ZNF587: variants seen among roughly 807,000 people sequenced by gnomAD.
ZNF587 encodes the protein zinc finger protein zfp6.
Under a neutral mutation model 7.5 loss-of-function variants are expected in ZNF587, and 8 were observed. That is an observed-to-expected ratio of 1.06 (90% CI 0.62 to 1.92). The LOEUF (loss-of-function observed/expected upper bound fraction) is 1.92, where lower values mean the gene tolerates loss of function less well. ZNF587 is among the 40% of genes most tolerant of loss of function. The probability of loss-of-function intolerance (pLI) is 0.00; values close to 1 mark genes in which losing one functional copy is unlikely to be tolerated. For synonymous variants in ZNF587, 145 were observed against 237.8 expected (o/e 0.61, Z 3.59); for missense variants, 468 against 692.8 (o/e 0.68, Z 3.64).
In ZNF587 at chr19:57,855,566, T is replaced by G. The variant is rs561033940; in HGVS notation, c.34-538T>G. ...CAGAAGGGGGTGTGGGCTTTTTTTGTTTTTTTTTTTTTTGAGATGGTGTCT... is the reference window on the plus strand; with the variant it reads ...CAGAAGGGGGTGTGGGCTTTTTTTGGTTTTTTTTTTTTTGAGATGGTGTCT... On this transcript the variant is annotated intron_variant, in intron 1 of 2. Transcript: ENST00000339656. Among the ~76,000 whole-genome samples the G allele has an allele frequency of 3.2e-4, 35 of 108,006 alleles. No individual in the cohort carries two copies. The South Asian group carries it at 7.3e-3, about 23-fold the overall frequency. The allele number at this position is 108,006 out of a possible 152,430, so 70.9% of individuals were successfully genotyped here.
chr19:57,860,211 G>A lies in ZNF587; in HGVS notation c.*71G>A. On this transcript the variant is annotated 3_prime_UTR_variant, in exon 3 of 3. Transcript: ENST00000339656. ...TAAACACAGGAGAGTTCATACTGGA[G>A]AAAGGCCTTATGAGTGCTGTCAATG... is the stretch of plus-strand genomic sequence containing the variant. 2.5e-6 allele frequency: 4 copies of A among 1,612,524 alleles called. No homozygotes were observed. Among genetic ancestry groups the A allele is most frequent in the Non-Finnish European group, 3.4e-6 (4 of 1,178,898 alleles).
chr19:57,864,380 C>A lies in ZNF587; in HGVS notation c.*4240C>A, dbSNP rs1357517589. On this transcript the variant is annotated 3_prime_UTR_variant, in exon 3 of 3. Coordinates refer to ENST00000339656, the MANE Select transcript of ZNF587 (RefSeq NM_032828.4). ...AACTCCTGACCTCATGATCCACCCC[C>A]CTCGGCCTCCTAAAGTGCTGGGATT... The A allele has an allele frequency of 6.6e-6, 1 of 151,974 alleles. No homozygotes were observed. The highest frequency in any genetic ancestry group is 1.5e-5 in the Non-Finnish European group (1 of 68,038). 9.4% of individuals were successfully genotyped at this position (151,974 alleles called of 1,614,324 possible). A position where few individuals can be genotyped will look rare whatever the true frequency, so the allele number is the denominator to read the frequency against.
rs1230864396 is a variant in ZNF587 at position 57,849,997 on chromosome 19, C to T, written c.-42C>T. 9 of 1,614,062 alleles carry T rather than the reference C, an allele frequency of 5.6e-6. No homozygotes were observed. The highest frequency in any genetic ancestry group is 1.3e-5 in the African/African-American group (1 of 75,064). On this transcript the variant is annotated 5_prime_UTR_variant, in exon 1 of 3. The change creates a new upstream start codon in the 5' untranslated region. Coordinates refer to ENST00000339656, the MANE Select transcript of ZNF587 (RefSeq NM_032828.4). ...CAGAGGCGGCTCTGCAGCCCCGTGA[C>T]GGCGACCACTGCTCCCGGGCCGTGC... is the stretch of plus-strand genomic sequence containing the variant.
chr19:57,857,619 T>C (rs1035138464), intron 2 of ZNF587, among the ~76,000 whole-genome samples: 7 of 151,838 alleles, frequency 4.6e-5, no homozygotes, highest in Admixed American at 2.6e-4. Flanking sequence ...TATGTGTATA[T>C]ATATATATGT....
intron 1 of ZNF587, chr19:57,850,374 C>CA: frequency 1.7e-6 from 1 of 583,426 alleles, no homozygotes; most frequent in Middle Eastern, 4.5e-4. Flanking sequence ...ATTCTGGGAT[C>CA]AGAGTTTTCA....
chr19:57,853,471 T>TG (rs780230455), intron 1 of ZNF587, among the ~76,000 whole-genome samples: 2 of 152,188 alleles, frequency 1.3e-5, no homozygotes, highest in African/African-American at 4.8e-5. Context: ...TAGGAGGACA[T>TG]GCTTCAGATT....
chr19:57,858,227 A>G (rs962112501), intron 2 of ZNF587: 1 of 289,012 alleles, frequency 3.5e-6, no homozygotes, highest in Admixed American at 5.0e-5. Flanking sequence ...TCTGGGTTCA[A>G]ATGATTCTCC....
chr19:57,855,716 C>G (rs571594658), intron 1 of ZNF587, among the ~76,000 whole-genome samples: 1 of 152,116 alleles, frequency 6.6e-6, no homozygotes, highest in South Asian at 2.1e-4. Flanking sequence ...TGCCCACCAC[C>G]ATGCCCGGCT....
intron 1 of ZNF587, among the ~76,000 whole-genome samples, chr19:57,852,547 G>A (rs1467733406): frequency 4.0e-5 from 6 of 149,084 alleles, no homozygotes; most frequent in Non-Finnish European, 7.4e-5. Flanking sequence ...TTTTCTTAAC[G>A]TGGAATTTCA....
At position 57,864,875 on chromosome 19, in the gene ZNF587, C is replaced by T. The variant is rs1031311562; in HGVS notation, c.*4735C>T. 2 of 151,898 alleles carry T rather than the reference C, an allele frequency of 1.3e-5. No homozygotes were observed. Among genetic ancestry groups the T allele is most frequent in the African/African-American group, 2.4e-5 (1 of 41,338 alleles). The allele number at this position is 151,898 out of a possible 1,614,324, so 9.4% of individuals were successfully genotyped here. A position where few individuals can be genotyped will look rare whatever the true frequency, so the allele number is the denominator to read the frequency against. On this transcript the variant is annotated 3_prime_UTR_variant, in exon 3 of 3. Coordinates refer to ENST00000339656, the MANE Select transcript of ZNF587 (RefSeq NM_032828.4). ...CTGGAAAATGGAGGTTGCAATCAGCCGAGATGGTGCCATCGCACTCTAGCC... is the reference window on the plus strand; with the variant it reads ...CTGGAAAATGGAGGTTGCAATCAGCTGAGATGGTGCCATCGCACTCTAGCC...
chr19:57,852,085 G>A, intron 1 of ZNF587: 2 of 354,766 alleles, frequency 5.6e-6, no homozygotes, highest in Non-Finnish European at 1.0e-5. Flanking sequence ...TTCCCTCATT[G>A]GTCCTGACGC....
intron 1 of ZNF587, chr19:57,853,750 C>CTTTTTTTTTTT (rs1232931569): frequency 6.9e-6 from 1 of 144,366 alleles, no homozygotes. Context: ...AAAGTTGTAA[C>CTTTTTTTTTTT]TTTTTTGTTT....
At position 57,860,265 on chromosome 19, in the gene ZNF587, CG is replaced by C; in HGVS notation, c.*127del. 1 of 1,545,938 alleles carries C rather than the reference CG, an allele frequency of 6.5e-7. No individual in the cohort carries two copies. The highest frequency in any genetic ancestry group is 8.8e-7 in the Non-Finnish European group (1 of 1,134,060). On this transcript the variant is annotated 3_prime_UTR_variant, in exon 3 of 3. Coordinates refer to ENST00000339656, the MANE Select transcript of ZNF587 (RefSeq NM_032828.4). Reference sequence around the variant, plus strand: ...AAAACATCAGAATGTCTGCTGTCCTCGGTCTTAAGCGACTTCGTGTTGAGAT... The same window carrying C: ...AAAACATCAGAATGTCTGCTGTCCTCGTCTTAAGCGACTTCGTGTTGAGAT...
In ZNF587 at chr19:57,860,155, G is replaced by T. The variant is rs751134327; in HGVS notation, c.*15G>T. On this transcript the variant is annotated 3_prime_UTR_variant, in exon 3 of 3. Transcript: ENST00000339656. Reference sequence around the variant, plus strand: ...AGGCCTTATGAGTGCAGTGAATATGGGAAATCGTTTGCTGAAGCATCCCGT... The same window carrying T: ...AGGCCTTATGAGTGCAGTGAATATGTGAAATCGTTTGCTGAAGCATCCCGT... 5 of 1,613,988 alleles carry T rather than the reference G, an allele frequency of 3.1e-6. No individual in the cohort carries two copies. The highest frequency in any genetic ancestry group is 1.6e-4 in the Middle Eastern group (1 of 6,084).
rs1555775628 is a variant in ZNF587 at position 57,861,789 on chromosome 19, T to TTTTTTTTTTTTTTTTTTTTTTTTTTTC, written c.*1649_*1650insTTTTTTTTTTTTTTTTTTTTTTTTTTC. ...TTTGGTTTTCTTTTTTTTTTTTTTT[T>TTTTTTTTTTTTTTTTTTTTTTTTTTTC]CCAGATGGAGTCTAGCTCTGTCTCC... is the stretch of plus-strand genomic sequence containing the variant. On this transcript the variant is annotated 3_prime_UTR_variant, in exon 3 of 3. Coordinates refer to ENST00000339656, the MANE Select transcript of ZNF587 (RefSeq NM_032828.4). 1 of 147,982 alleles carries TTTTTTTTTTTTTTTTTTTTTTTTTTTC rather than the reference T, an allele frequency of 6.8e-6. No individual in the cohort carries two copies. The highest frequency in any genetic ancestry group is 2.6e-5 in the African/African-American group (1 of 38,258). 9.2% of individuals were successfully genotyped at this position (147,982 alleles called of 1,614,324 possible). A position where few individuals can be genotyped will look rare whatever the true frequency, so the allele number is the denominator to read the frequency against.
chr19:57,856,205 A>C lies in ZNF587; in HGVS notation c.135A>C (p.Leu45=). The change falls in exon 2 of 3, where the codon CTA becomes CTC. Residue 45 remains leucine, a synonymous_variant. Transcript: ENST00000339656. ...AQRCLYRDVM[L]ENLALISSLG... ...GGTGCTTGTACCGTGATGTGATGCT[A>C]GAGAACCTGGCTCTCATATCCTCGC... 1 of 1,599,368 alleles carries C rather than the reference A, an allele frequency of 6.3e-7. No individual in the cohort carries two copies. The highest frequency in any genetic ancestry group is 8.5e-7 in the Non-Finnish European group (1 of 1,170,242).
At position 57,862,761 on chromosome 19, in the gene ZNF587, T is replaced by G. The variant is rs527757940; in HGVS notation, c.*2621T>G. On this transcript the variant is annotated 3_prime_UTR_variant, in exon 3 of 3. Coordinates refer to ENST00000339656, the MANE Select transcript of ZNF587 (RefSeq NM_032828.4). ...TGATACTGACAGGGAGATGGGACAT[T>G]CTGAGGGACCCGGAGGCAGGGTGCC... is the stretch of plus-strand genomic sequence containing the variant. 1.9e-5 allele frequency: 3 copies of G among 154,990 alleles called. No individual in the cohort carries two copies. Among genetic ancestry groups the G allele is most frequent in the Non-Finnish European group, 4.4e-5 (3 of 68,228 alleles). 9.6% of individuals were successfully genotyped at this position (154,990 alleles called of 1,614,324 possible).
chr19:57,858,397 G>T (rs1329421026), intron 2 of ZNF587, 179 bp from the exon 3 acceptor site: 4 of 1,310,202 alleles, frequency 3.1e-6, no homozygotes, highest in Admixed American at 5.7e-5. Context: ...AAAGTGCTGG[G>T]ATTACAGGTG....
At chr19:57,856,369 T>C (rs2071356005) in intron 2 of ZNF587, 136 bp downstream of exon 2, 1 of 1,424,200 alleles carries the variant, frequency 7.0e-7, no homozygotes, top group African/African-American at 1.5e-5. Flanking sequence ...AGTTGTGTGG[T>C]TCGTAGGAGT....
Sources: gnomAD v4.1 joint callset for allele counts (sites outside exome capture counted in the v4.1 genomes callset) on GRCh38, gnomAD v4.1.1 for gene constraint, MANE v1.5 for transcripts, NCBI Gene and HGNC (gene_info 2026-07-23, HGNC 2026-07-21) for gene names.